Variants in GALNT13 observed in about 807,000 individuals in gnomAD.
The protein encoded by GALNT13 is UDP-GalNAc:polypeptide N-acetylgalactosaminyltransferase 13.
A neutral mutation model predicts 64.2 loss-of-function variants in GALNT13; 28 were observed. The observed-to-expected ratio is 0.44, with a 90% CI of 0.32 to 0.60. The LOEUF (loss-of-function observed/expected upper bound fraction) is 0.60. Among genes scored for constraint, GALNT13 ranks in the 20% least tolerant of loss-of-function variants. The probability of loss-of-function intolerance (pLI) is 0.05; values close to 1 mark genes in which losing one functional copy is unlikely to be tolerated. For missense variants in GALNT13, 577 were observed against 669.8 expected, an observed-to-expected ratio of 0.86 and a Z score of 1.53; for synonymous variants, 214 against 224.6, an observed-to-expected ratio of 0.95 and a Z score of 0.42.
chr2:154,051,920 T>C (rs568297313), intron 3 of GALNT13, among the ~76,000 whole-genome samples: 67 of 152,306 alleles, frequency 4.4e-4, no homozygotes, highest in African/African-American at 1.5e-3. Flanking sequence ...TATTCCTTTG[T>C]GAAAGACTGT....
the GALNT13 span, among the ~76,000 whole-genome samples, chr2:153,772,780 A>AT: frequency 1.1e-4 from 17 of 152,022 alleles, no homozygotes; most frequent in South Asian, 8.3e-4. Context: ...TTTTATAGGT[A>AT]TTTTTTTGGC....
the GALNT13 span, among the ~76,000 whole-genome samples, chr2:153,312,135 T>A: frequency 6.6e-6 from 1 of 152,216 alleles, no homozygotes; most frequent in Non-Finnish European, 1.5e-5. Flanking sequence ...TCATTATTAA[T>A]CTATCACTAT....
chr2:153,872,959 CT>C (rs1218164930), intron 1 of GALNT13, among the ~76,000 whole-genome samples: 2 of 151,784 alleles, frequency 1.3e-5, no homozygotes, highest in Non-Finnish European at 2.9e-5. Context: ...TTCTCTTATT[CT>C]GTTTCCCTCT....
the GALNT13 span, among the ~76,000 whole-genome samples, chr2:153,082,620 C>CAT: frequency 3.0e-4 from 6 of 20,030 alleles, no homozygotes; most frequent in African/African-American, 1.3e-3. Flanking sequence ...TATATATATA[C>CAT]ACACACACAC....
intron 4 of GALNT13, among the ~76,000 whole-genome samples, chr2:154,145,751 AATTT>A (rs1382486237): frequency 6.6e-6 from 1 of 152,002 alleles, no homozygotes; most frequent in Non-Finnish European, 1.5e-5. Flanking sequence ...AAGGACAAAG[AATTT>A]ATTTACTACA....
At chr2:154,013,177 G>A (rs549084237) in intron 3 of GALNT13, among the ~76,000 whole-genome samples, 1 of 151,058 alleles carries the variant, frequency 6.6e-6, no homozygotes, top group Non-Finnish European at 1.5e-5. Flanking sequence ...TTTCTGGGCT[G>A]ATGTTCTTTA....
At chr2:153,139,408 C>T in the GALNT13 span, among the ~76,000 whole-genome samples, 3 of 151,762 alleles carry the variant, frequency 2.0e-5, no homozygotes, top group African/African-American at 7.3e-5. Flanking sequence ...TAAGTTGTGT[C>T]CAGAGGGATA....
the GALNT13 span, among the ~76,000 whole-genome samples, chr2:153,246,977 A>T: frequency 2.0e-5 from 3 of 152,334 alleles, no homozygotes; most frequent in Non-Finnish European, 4.4e-5. Context: ...TGAAAAGAGA[A>T]AAAAAGCAGG....
At chr2:154,067,570 A>G (rs928655470) in intron 3 of GALNT13, among the ~76,000 whole-genome samples, 3 of 152,128 alleles carry the variant, frequency 2.0e-5, no homozygotes, top group Non-Finnish European at 2.9e-5. Context: ...AAATGGGTCA[A>G]TTTAGCCAGA....
At chr2:153,565,851 A>C in the GALNT13 span, among the ~76,000 whole-genome samples, 1 of 152,174 alleles carries the variant, frequency 6.6e-6, no homozygotes, top group South Asian at 2.1e-4. Flanking sequence ...TTCATGTCTT[A>C]TAATGAAAAT....
At chr2:153,408,423 T>G in the GALNT13 span, among the ~76,000 whole-genome samples, 1 of 151,730 alleles carries the variant, frequency 6.6e-6, no homozygotes, top group Admixed American at 6.6e-5. Context: ...CGAAGAAGTA[T>G]AGAAGGAAGG....
chr2:154,062,443 A>G (rs1313519085), intron 3 of GALNT13, among the ~76,000 whole-genome samples: 1 of 152,176 alleles, frequency 6.6e-6, no homozygotes, highest in East Asian at 1.9e-4. Flanking sequence ...TGCTAAAAAG[A>G]ACTACCTGAG....
chr2:153,110,321 A>C, the GALNT13 span, among the ~76,000 whole-genome samples: 1 of 152,128 alleles, frequency 6.6e-6, no homozygotes, highest in Non-Finnish European at 1.5e-5. Flanking sequence ...ATCTAAGTAT[A>C]GATCTATTTT....
At chr2:153,559,828 T>C in the GALNT13 span, among the ~76,000 whole-genome samples, 1 of 152,148 alleles carries the variant, frequency 6.6e-6, no homozygotes, top group Non-Finnish European at 1.5e-5. Flanking sequence ...TTGGCTAACT[T>C]TTTCAGTAAG....
At chr2:154,145,119 T>TATATATACACAC (rs1444821982) in intron 4 of GALNT13, among the ~76,000 whole-genome samples, 2 of 137,288 alleles carry the variant, frequency 1.5e-5, no homozygotes, top group East Asian at 2.9e-4. Context: ...TATATATATA[T>TATATATACACAC]ACACACACTA....
the GALNT13 span, among the ~76,000 whole-genome samples, chr2:153,842,652 A>C: frequency 2.0e-5 from 3 of 152,052 alleles, no homozygotes; most frequent in Non-Finnish European, 4.4e-5. Context: ...TCATTTTTTA[A>C]AAAACACAAG....
intron 2 of GALNT13, among the ~76,000 whole-genome samples, chr2:153,913,635 C>T (rs111952162): frequency 4.6e-5 from 7 of 152,294 alleles, no homozygotes; most frequent in East Asian, 3.9e-4. Context: ...GGGTTTCCTA[C>T]TGCTGGGATT....
the GALNT13 span, among the ~76,000 whole-genome samples, chr2:153,399,548 A>T: frequency 6.6e-6 from 1 of 151,998 alleles, no homozygotes; most frequent in African/African-American, 2.4e-5. Context: ...GATTCTTCCT[A>T]CCCATGAGCA....
intron 3 of GALNT13, among the ~76,000 whole-genome samples, chr2:154,048,593 CA>C (rs1399993047): frequency 6.6e-6 from 1 of 151,932 alleles, no homozygotes; most frequent in African/African-American, 2.4e-5. Flanking sequence ...GTCATAAGGC[CA>C]GAATATCTTG....
Sources: gnomAD v4.1 joint callset for allele counts (sites outside exome capture counted in the v4.1 genomes callset) on GRCh38, gnomAD v4.1.1 for gene constraint, MANE v1.5 for transcripts, NCBI Gene and HGNC (gene_info 2026-07-23, HGNC 2026-07-21) for gene names.